Variants in MED23 observed in about 807,000 individuals in gnomAD.
MED23 encodes the protein mediator complex subunit 23, also known as mediator of RNA polymerase II transcription subunit 23.
MED23 carries 105 observed loss-of-function variants against 163.9 expected under a neutral mutation model. The ratio of observed to expected loss-of-function variants is 0.64; its 90% confidence interval spans 0.55 to 0.75. The LOEUF is 0.75. Among genes scored for constraint, MED23 ranks in the 30% least tolerant of loss-of-function variants. MED23 has a pLI of 0.00. For missense variants in MED23, 1,054 were observed against 1,649.0 expected (o/e 0.64, Z 6.25); for synonymous variants, 561 against 565.6 (o/e 0.99, Z 0.12).
Position 131,581,262 on chromosome 6 carries a change from G to A in MED23, c.4095+6447C>T, listed in dbSNP as rs754655577. The A allele has an allele frequency of 2.5e-5, 41 of 1,613,784 alleles. No individual in the cohort carries two copies. Among genetic ancestry groups the A allele is most frequent in the Non-Finnish European group, 3.5e-5 (41 of 1,179,834 alleles). On this transcript the variant is annotated intron_variant, in intron 30 of 30. Coordinates refer to the MED23 transcript ENST00000354577. ...CTCTGGCCATGCCAGGGTCCACCCT[G>A]ATCTTGGAGTCATCTGGGTGGATGC...
At position 131,628,188 on chromosome 6, in the gene MED23, T is replaced by TA. The variant is rs1380092384; in HGVS notation, c.-140dup. ...GGCGTCGCTTCCTCCCCCAGCGCTT[T>TA]ACCTGGAGCGTTCCCTCCCGAGCCC... On this transcript the variant is annotated 5_prime_UTR_variant, in exon 1 of 29. Coordinates refer to ENST00000368068, the MANE Select transcript of MED23 (RefSeq NM_004830.4). 2 of 947,696 alleles carry TA rather than the reference T, an allele frequency of 2.1e-6. No individual in the cohort carries two copies. The highest frequency in any genetic ancestry group is 3.3e-6 in the Non-Finnish European group (2 of 598,378). 58.7% of individuals were successfully genotyped at this position (947,696 alleles called of 1,614,324 possible). A position where few individuals can be genotyped will look rare whatever the true frequency, so the allele number is the denominator to read the frequency against.
At chr6:131,576,775 C>T in intron 30 of MED23, 1 of 1,562,668 alleles carries the variant, frequency 6.4e-7, no homozygotes, top group Non-Finnish European at 8.8e-7. Flanking sequence ...TGATTTCCTC[C>T]CCACTCTGAA....
intron 30 of MED23, among the ~76,000 whole-genome samples, chr6:131,577,822 T>G (rs1773695842): frequency 6.6e-6 from 1 of 151,332 alleles, no homozygotes. Context: ...GGAGAATGGC[T>G]TGAACCCGGA....
chr6:131,584,728 A>T (rs1238705906), downstream of MED23, among the ~76,000 whole-genome samples: 2 of 151,882 alleles, frequency 1.3e-5, no homozygotes, highest in Non-Finnish European at 2.9e-5. Context: ...CACACCTGTA[A>T]TCCCAGCACT....
intron 30 of MED23, among the ~76,000 whole-genome samples, chr6:131,581,653 G>C (rs1266140174): frequency 1.3e-5 from 2 of 152,132 alleles, no homozygotes; most frequent in Non-Finnish European, 2.9e-5. Flanking sequence ...CAGGTCAGTG[G>C]AGGTTCAGAG....
intron 12 of MED23, among the ~76,000 whole-genome samples, chr6:131,607,631 T>C (rs893357812): frequency 6.6e-6 from 1 of 152,078 alleles, no homozygotes; most frequent in African/African-American, 2.4e-5. Context: ...TACTCAAATA[T>C]CTTATATGAT....
intron 10 of MED23, among the ~76,000 whole-genome samples, chr6:131,612,468 A>G (rs1776349679): frequency 6.6e-6 from 1 of 152,076 alleles, no homozygotes. Context: ...CTATGAATAA[A>G]AGTTAACTGT....
intron 17 of MED23, among the ~76,000 whole-genome samples, chr6:131,601,137 A>G (rs1456130813): frequency 2.0e-5 from 3 of 152,234 alleles, no homozygotes; most frequent in Non-Finnish European, 4.4e-5. Flanking sequence ...CTTGAAAATT[A>G]ACAAAATGAG....
chr6:131,590,446 A>G lies in MED23; in HGVS notation c.3687-4T>C, dbSNP rs1271917023. ...AAGAAGTACTTCAGTAAGAAACCTA[A>G]AATTTGAAGATAAAAATCTCCTGTG... On this transcript the variant is annotated splice_region_variant and splice_polypyrimidine_tract_variant and intron_variant, in intron 26 of 28. Transcript: ENST00000368068. 1 of 1,599,874 alleles carries G rather than the reference A, an allele frequency of 6.3e-7. No individual in the cohort carries two copies. The highest frequency in any genetic ancestry group is 8.6e-7 in the Non-Finnish European group (1 of 1,168,008).
In MED23 at chr6:131,576,732, CA is replaced by C. The variant is rs1169538148; in HGVS notation, c.4096-2438del. 6.2e-7 allele frequency: 1 copy of C among 1,613,058 alleles called. No homozygotes were observed. Among genetic ancestry groups the C allele is most frequent in the African/African-American group, 1.3e-5 (1 of 74,884 alleles). The stretch of plus-strand genomic sequence containing the variant: ...TGGTCTGCTTGAGAAACTTAAAGAA[CA>C]AGGTAATTTTTAAGTTGAAAAATGA... On this transcript the variant is annotated intron_variant, in intron 30 of 30. Coordinates refer to the MED23 transcript ENST00000354577.
At position 131,620,529 on chromosome 6, in the gene MED23, G is replaced by A. The variant is rs990938506; in HGVS notation, c.597+99C>T. ...TACCCAGGTTGGGTCTTGAACTCTTGTCCTCAAATCATCTTCCCACCTTTG... is the reference window on the plus strand; with the variant it reads ...TACCCAGGTTGGGTCTTGAACTCTTATCCTCAAATCATCTTCCCACCTTTG... On this transcript the variant is annotated intron_variant, in intron 7 of 28. Transcript: ENST00000368068. The A allele has an allele frequency of 6.2e-5, 49 of 794,132 alleles. No homozygotes were observed. In the African/African-American group the frequency reaches 6.2e-4, roughly 10 times the overall value. The allele number at this position is 794,132 out of a possible 1,614,324, so 49.2% of individuals were successfully genotyped here.
At chr6:131,618,280 A>G in intron 9 of MED23, 127 bp downstream of exon 9, 1 of 749,692 alleles carries the variant, frequency 1.3e-6, no homozygotes. Flanking sequence ...ATGATAAACT[A>G]TAAACTATCT....
chr6:131,581,651 TG>T (rs963049259), intron 30 of MED23, among the ~76,000 whole-genome samples: 1 of 152,198 alleles, frequency 6.6e-6, no homozygotes, highest in African/African-American at 2.4e-5. Flanking sequence ...AACAGGTCAG[TG>T]GAGGTTCAGA....
downstream of MED23, chr6:131,584,017 G>T (rs1000451954): frequency 2.3e-6 from 3 of 1,315,252 alleles, no homozygotes; most frequent in Middle Eastern, 2.1e-4. Context: ...TCAGAAAAAT[G>T]TTTTTCCAAT....
At chr6:131,627,779 T>C in intron 1 of MED23, 107 bp from the exon 2 acceptor site, 1 of 1,145,388 alleles carries the variant, frequency 8.7e-7, no homozygotes, top group African/African-American at 1.6e-5. Flanking sequence ...TAATCAGCTC[T>C]GAAACTATCA....
At chr6:131,577,127 C>T (rs1214616052) in intron 30 of MED23, among the ~76,000 whole-genome samples, 1 of 152,140 alleles carries the variant, frequency 6.6e-6, no homozygotes, top group Non-Finnish European at 1.5e-5. Flanking sequence ...ATGATAATAA[C>T]AACAGCGCCT....
In MED23 at chr6:131,619,906, G is replaced by A. The variant is rs1240504754; in HGVS notation, c.598-10C>T. On this transcript the variant is annotated splice_polypyrimidine_tract_variant and intron_variant, in intron 7 of 28. Transcript: ENST00000368068. ...CTAGGTTTCCAAGTAACTAAAGAGA[G>A]AAAGAAAGAGGGAAGTCAAATAAAT... is the stretch of plus-strand genomic sequence containing the variant. 5 of 1,592,414 alleles carry A rather than the reference G, an allele frequency of 3.1e-6. No individual in the cohort carries two copies. The highest frequency in any genetic ancestry group is 1.3e-5 in the African/African-American group (1 of 74,562).
chr6:131,613,383 A>G (rs1209781092), intron 10 of MED23, among the ~76,000 whole-genome samples: 1 of 152,210 alleles, frequency 6.6e-6, no homozygotes, highest in African/African-American at 2.4e-5. Context: ...CATAAAATAT[A>G]ACTCAATTCC....
At position 131,598,844 on chromosome 6, in the gene MED23, T is replaced by C; in HGVS notation, c.2221-83A>G. On this transcript the variant is annotated intron_variant, in intron 18 of 28. Transcript: ENST00000368068. The surrounding 1 kb of genome is among the most constrained non-coding windows in gnomAD (Gnocchi z 4.7). ...GGAGTTAATAAACCAGTTCTAGACT[T>C]GATTCTGACACTAATAAACTCTAGG... The C allele has an allele frequency of 7.7e-7, 1 of 1,303,416 alleles. No homozygotes were observed. The highest frequency in any genetic ancestry group is 1.1e-6 in the Non-Finnish European group (1 of 906,620). The allele number at this position is 1,303,416 out of a possible 1,614,324, so 80.7% of individuals were successfully genotyped here.
Sources: gnomAD v4.1 joint callset for allele counts (sites outside exome capture counted in the v4.1 genomes callset) on GRCh38, gnomAD v4.1.1 for gene constraint, Gnocchi (gnomAD v3.1) non-coding constraint, MANE v1.5 for transcripts, NCBI Gene and HGNC (gene_info 2026-07-23, HGNC 2026-07-21) for gene names.